The following TMEM132B variants were observed in gnomAD, a reference collection of about 807,000 sequenced individuals.
TMEM132B encodes transmembrane protein 132B.
In TMEM132B, 18 loss-of-function variants were observed where a neutral mutation model predicts 90.8. The ratio of observed to expected loss-of-function variants is 0.20; its 90% CI spans 0.14 to 0.29. TMEM132B has a LOEUF of 0.29. Among genes scored for constraint, TMEM132B ranks in the 10% least tolerant of loss-of-function variants. TMEM132B has a pLI of 1.00. For missense variants in TMEM132B, 1,096 were observed against 1,326.8 expected, an observed-to-expected ratio of 0.83 and a Z score of 2.70; for synonymous variants, 504 against 523.3, an observed-to-expected ratio of 0.96 and a Z score of 0.50.
Position 125,654,282 on chromosome 12 carries a change from G to A in TMEM132B, c.2824G>A (p.Gly942Ser). The A allele has an allele frequency of 6.2e-7, 1 of 1,613,576 alleles. No individual in the cohort carries two copies. The highest frequency in any genetic ancestry group is 1.1e-5 in the South Asian group (1 of 91,044). The stretch of plus-strand genomic sequence containing the variant: ...CAAAAGGTTTGCTGTGAGTGAGCAG[G>A]GCAACATCCCCCATTCCCACGACTG... ...RHKRFAVSEQ[G>S]NIPHSHDWVW... The change falls in exon 9 of 9, where the codon GGC (glycine) becomes AGC (serine). Residue 942 changes from glycine (G) to serine (S), a missense_variant. Gly to Ser is a moderately conservative substitution (Grantham distance 56). Coordinates refer to ENST00000682704, the MANE Select transcript of TMEM132B (RefSeq NM_001366854.1). This position sits in a 1 kb window ranked among gnomAD's most constrained non-coding sequence, Gnocchi z 5.8.
intron 4 of TMEM132B, among the ~76,000 whole-genome samples, chr12:125,531,346 C>T (rs191045098): frequency 9.5e-4 from 144 of 152,178 alleles, no homozygotes; most frequent in Non-Finnish European, 1.0e-3. Context: ...CCACAACACC[C>T]GGCTGATTTT....
chr12:125,452,950 G>A (rs1301928739), intron 3 of TMEM132B, among the ~76,000 whole-genome samples: 1 of 152,002 alleles, frequency 6.6e-6, no homozygotes, highest in African/African-American at 2.4e-5. Context: ...TACGTTGTAA[G>A]TATTGCGGTA....
intron 3 of TMEM132B, among the ~76,000 whole-genome samples, chr12:125,454,392 T>TGTGTGTGTGTGTGTG (rs1555250638): frequency 8.9e-6 from 1 of 111,974 alleles, no homozygotes; most frequent in African/African-American, 2.9e-5. Context: ...GTGTGTGTGT[T>TGTGTGTGTGTGTGTG]TGTGTGTGTG....
At chr12:125,197,679 C>T (rs1872955969) in intron 1 of TMEM132B, among the ~76,000 whole-genome samples, 1 of 152,164 alleles carries the variant, frequency 6.6e-6, no homozygotes, top group Non-Finnish European at 1.5e-5. Flanking sequence ...CTTTTAAAGA[C>T]AAAATTTGCC....
rs117691876 is a variant in TMEM132B, at chr12:125,634,469, C to T, written c.1438-9607C>T. Among the ~76,000 whole-genome samples the T allele has an allele frequency of 1.6e-4, 24 of 152,276 alleles. No homozygotes were observed. In the East Asian group the frequency reaches 4.1e-3, roughly 26 times the overall value. On this transcript the variant is annotated intron_variant, in intron 5 of 8. Transcript: ENST00000682704. ...GGTGCAAGAGAAATTCTTTACTTTT[C>T]CCTCTGCTTTTCTTAAGCAGGAATC...
chr12:125,327,112 C>T lies in TMEM132B; in HGVS notation c.68-22340C>T, dbSNP rs146266560. Among the ~76,000 whole-genome samples, 437 of 152,232 alleles carry T rather than the reference C, an allele frequency of 2.9e-3. 3 individuals carry two copies. The highest frequency in any genetic ancestry group is 0.01 in the African/African-American group (417 of 41,524). On this transcript the variant is annotated intron_variant, in intron 1 of 8. Coordinates refer to ENST00000682704, the MANE Select transcript of TMEM132B (RefSeq NM_001366854.1). ...TCCACCAAGGCTCTCTTTCCCTCCT[C>T]TTTTTCCCACTCTGCATGTTTCTCT... is the stretch of plus-strand genomic sequence containing the variant.
Position 125,216,078 on chromosome 12 carries a change from A to G in TMEM132B, c.67+29212A>G, listed in dbSNP as rs1025412581. ...AACTTGGGCATCCCTGGAGGCCTTG[A>G]TTCCATCTGCCTCCTGTATTAGTTT... On this transcript the variant is annotated intron_variant, in intron 1 of 8. Transcript: ENST00000682704. 2.0e-5 allele frequency among the ~76,000 whole-genome samples: 3 copies of G among 152,168 alleles called. No homozygotes were observed. In the South Asian group the frequency reaches 6.2e-4, roughly 32 times the overall value.
intron 1 of TMEM132B, among the ~76,000 whole-genome samples, chr12:125,282,280 G>C (rs2136132767): frequency 1.3e-5 from 2 of 152,154 alleles, no homozygotes; most frequent in East Asian, 3.9e-4. Flanking sequence ...TGTGCTGCCT[G>C]CCTGCCTCTG....
At chr12:125,292,503 ATCT>A (rs1482284647) in intron 1 of TMEM132B, among the ~76,000 whole-genome samples, 26 of 152,268 alleles carry the variant, frequency 1.7e-4, no homozygotes, top group Admixed American at 3.3e-4. Flanking sequence ...GCAGCTACAA[ATCT>A]TCTGTTTGCG....
chr12:125,297,924 A>G (rs991304325), intron 1 of TMEM132B, among the ~76,000 whole-genome samples: 3 of 152,092 alleles, frequency 2.0e-5, no homozygotes, highest in African/African-American at 4.8e-5. Context: ...CCGCTGGACC[A>G]TTCCCAACAG....
At chr12:125,645,935 A>G (rs980268852) in intron 6 of TMEM132B, among the ~76,000 whole-genome samples, 1 of 152,234 alleles carries the variant, frequency 6.6e-6, no homozygotes, top group Non-Finnish European at 1.5e-5. Context: ...TTTGAGGAGC[A>G]TCATGGAAAA....
chr12:125,260,144 G>T (rs1294857056), intron 1 of TMEM132B, among the ~76,000 whole-genome samples: 1 of 152,202 alleles, frequency 6.6e-6, no homozygotes, highest in Non-Finnish European at 1.5e-5. Context: ...ACCCAGAGAC[G>T]TATTTTGTTC....
intron 3 of TMEM132B, among the ~76,000 whole-genome samples, chr12:125,455,736 T>A (rs1392198215): frequency 5.3e-5 from 8 of 149,820 alleles, no homozygotes; most frequent in Admixed American, 4.1e-4. Context: ...AATGATTTGA[T>A]CACGGCTCCA....
At chr12:125,488,529 T>C (rs1477943819) in intron 3 of TMEM132B, among the ~76,000 whole-genome samples, 2 of 152,130 alleles carry the variant, frequency 1.3e-5, no homozygotes, top group African/African-American at 4.8e-5. Flanking sequence ...TGAGATCTGA[T>C]GGTTTTAAAA....
chr12:125,554,427 TAAAAAAAAAAAA>T (rs71447048), intron 4 of TMEM132B, among the ~76,000 whole-genome samples: 20 of 69,506 alleles, frequency 2.9e-4, no homozygotes, highest in African/African-American at 9.0e-4. Flanking sequence ...TCCATTTCAT[TAAAAAAAAAAAA>T]AAAAAAAAAA....
At chr12:125,612,555 A>G (rs1885859370) in intron 5 of TMEM132B, among the ~76,000 whole-genome samples, 2 of 146,244 alleles carry the variant, frequency 1.4e-5, no homozygotes, top group African/African-American at 2.5e-5. Flanking sequence ...GTTTTGAAGT[A>G]TATATATATA....
At chr12:125,432,387 A>ATATG (rs1880540175) in intron 3 of TMEM132B, among the ~76,000 whole-genome samples, 2 of 53,742 alleles carry the variant, frequency 3.7e-5, no homozygotes, top group Non-Finnish European at 6.6e-5. Flanking sequence ...ATATATATAT[A>ATATG]TATATATATA....
At chr12:125,626,788 T>C (rs1180312046) in intron 5 of TMEM132B, among the ~76,000 whole-genome samples, 1 of 152,244 alleles carries the variant, frequency 6.6e-6, no homozygotes, top group Non-Finnish European at 1.5e-5. Context: ...TTGTTTATAA[T>C]TGTCCTCTTT....
intron 3 of TMEM132B, among the ~76,000 whole-genome samples, chr12:125,454,378 GTGTGTGTGTGTGTT>G (rs1217989429): frequency 8.0e-5 from 11 of 137,590 alleles, no homozygotes; most frequent in Non-Finnish European, 9.3e-5. Flanking sequence ...AGCCAGCCGT[GTGTGTGTGTGTGTT>G]TGTGTGTGTG....
Sources: gnomAD v4.1 joint callset for allele counts (sites outside exome capture counted in the v4.1 genomes callset) on GRCh38, gnomAD v4.1.1 for gene constraint, Gnocchi (gnomAD v3.1) non-coding constraint, MANE v1.5 for transcripts, NCBI Gene and HGNC (gene_info 2026-07-23, HGNC 2026-07-21) for gene names.